Variants in SORCS2 observed in about 807,000 individuals in gnomAD.
SORCS2 encodes the protein VPS10 domain-containing receptor SorCS2.
Under a neutral mutation model 141.6 loss-of-function variants are expected in SORCS2, and 100 were observed. That is an observed-to-expected ratio of 0.71 (90% CI 0.60 to 0.83). The LOEUF (loss-of-function observed/expected upper bound fraction) is 0.83, where lower values mean the gene tolerates loss of function less well. Among genes scored for constraint, SORCS2 ranks in the 40% least tolerant of loss-of-function variants. SORCS2 has a pLI of 0.00. For synonymous variants in SORCS2, 789 were observed against 676.9 expected (o/e 1.17, Z -2.57); for missense variants, 1,646 against 1,560.2 (o/e 1.05, Z -0.93).
At chr4:7,727,046 A>G in intron 21 of SORCS2, 143 bp downstream of exon 21, 1 of 1,121,946 alleles carries the variant, frequency 8.9e-7, no homozygotes, top group South Asian at 1.7e-5. Context: ...CTGGATAAAC[A>G]GAGCCCTGCC....
intron 3 of SORCS2, among the ~76,000 whole-genome samples, chr4:7,617,159 C>T (rs191757982): frequency 6.6e-6 from 1 of 152,194 alleles, no homozygotes; most frequent in Non-Finnish European, 1.5e-5. Context: ...CGCCATCCAC[C>T]ATCCATCTAT....
chr4:7,341,840 T>G (rs114362663), intron 1 of SORCS2, among the ~76,000 whole-genome samples: 248 of 152,296 alleles, frequency 1.6e-3, no homozygotes, highest in African/African-American at 5.7e-3. Flanking sequence ...TCCAGACCCA[T>G]TAGGCACTTC....
At chr4:7,659,431 G>T (rs1276285943) in intron 5 of SORCS2, among the ~76,000 whole-genome samples, 1 of 152,142 alleles carries the variant, frequency 6.6e-6, no homozygotes, top group Non-Finnish European at 1.5e-5. Context: ...CATGTCTTCT[G>T]TCCCGTCTCA....
chr4:7,646,993 C>T (rs1310080308), intron 4 of SORCS2, among the ~76,000 whole-genome samples: 4 of 152,146 alleles, frequency 2.6e-5, no homozygotes, highest in Non-Finnish European at 5.9e-5. Flanking sequence ...GGCAACCACT[C>T]AGGGCCTCGT....
chr4:7,705,337 C>T (rs999165221), intron 14 of SORCS2, among the ~76,000 whole-genome samples: 3 of 152,188 alleles, frequency 2.0e-5, no homozygotes, highest in Non-Finnish European at 4.4e-5. Context: ...GCCTCCAGAG[C>T]GCTGAGAGAG....
At chr4:7,730,867 A>G (rs546333400) in intron 23 of SORCS2, among the ~76,000 whole-genome samples, 1 of 152,376 alleles carries the variant, frequency 6.6e-6, no homozygotes, top group African/African-American at 2.4e-5. Flanking sequence ...ACACTTTAAA[A>G]GAGTAAATGT....
At chr4:7,714,048 A>T (rs1053075239) in intron 15 of SORCS2, among the ~76,000 whole-genome samples, 192 bp from the exon 16 acceptor site, 1 of 152,182 alleles carries the variant, frequency 6.6e-6, no homozygotes, top group Non-Finnish European at 1.5e-5. Context: ...GTGAATGCCC[A>T]TGGGTTGGGA....
chr4:7,553,596 CAG>C (rs1408410221), intron 3 of SORCS2, among the ~76,000 whole-genome samples: 3 of 152,174 alleles, frequency 2.0e-5, no homozygotes, highest in African/African-American at 7.2e-5. Context: ...CTCTTGCCAA[CAG>C]AGAGATGAGT....
chr4:7,410,425 A>G (rs1022860268), intron 2 of SORCS2, among the ~76,000 whole-genome samples: 1 of 152,204 alleles, frequency 6.6e-6, no homozygotes, highest in Non-Finnish European at 1.5e-5. Context: ...CTTCGTTTCA[A>G]TTCTGGCTCC....
At chr4:7,335,250 G>A (rs991360323) in intron 1 of SORCS2, among the ~76,000 whole-genome samples, 1 of 152,354 alleles carries the variant, frequency 6.6e-6, no homozygotes, top group Non-Finnish European at 1.5e-5. Flanking sequence ...CACAGGGCAA[G>A]AGATGTCTTG....
At chr4:7,333,272 C>T (rs887167219) in intron 1 of SORCS2, among the ~76,000 whole-genome samples, 9 of 152,192 alleles carry the variant, frequency 5.9e-5, no homozygotes, top group Non-Finnish European at 8.8e-5. Context: ...CTTCCTCTGC[C>T]CCGGGGCTGG....
At chr4:7,539,333 A>G (rs1560368480) in intron 3 of SORCS2, among the ~76,000 whole-genome samples, 1 of 152,130 alleles carries the variant, frequency 6.6e-6, no homozygotes, top group Non-Finnish European at 1.5e-5. Context: ...TGGTGGTACC[A>G]CCTGCTCTCC....
rs1258954753 is a variant in SORCS2, at chr4:7,648,446, C to T, written c.814-5688C>T. ...GCCTGATGTCACCCCCAGGCAGCAG[C>T]GACCTTGGGACTCAGCCCCCGCCTT... On this transcript the variant is annotated intron_variant, in intron 4 of 26. Transcript: ENST00000507866. The surrounding 1 kb of genome is among the most constrained non-coding windows in gnomAD (Gnocchi z 4.2). Among the ~76,000 whole-genome samples the T allele has an allele frequency of 6.6e-6, 1 of 152,098 alleles. No homozygotes were observed. The highest frequency in any genetic ancestry group is 2.4e-5 in the African/African-American group (1 of 41,404).
chr4:7,606,107 G>A (rs893014177), intron 3 of SORCS2, among the ~76,000 whole-genome samples: 2 of 152,148 alleles, frequency 1.3e-5, no homozygotes. Flanking sequence ...GAACATTTCT[G>A]CTCCCATGAA....
At chr4:7,503,699 T>A (rs2109437349) in intron 2 of SORCS2, among the ~76,000 whole-genome samples, 1 of 152,264 alleles carries the variant, frequency 6.6e-6, no homozygotes, top group African/African-American at 2.4e-5. Flanking sequence ...GACATGCAGA[T>A]GCTGATGCAG....
intron 23 of SORCS2, among the ~76,000 whole-genome samples, chr4:7,731,327 C>A (rs889076384): frequency 6.6e-6 from 1 of 152,146 alleles, no homozygotes; most frequent in African/African-American, 2.4e-5. Context: ...AGACACAAAT[C>A]GACGGAAAGA....
At chr4:7,479,478 CT>C (rs767905372) in intron 2 of SORCS2, among the ~76,000 whole-genome samples, 3 of 152,224 alleles carry the variant, frequency 2.0e-5, no homozygotes, top group Non-Finnish European at 4.4e-5. Context: ...AGGGCCAAAC[CT>C]TTCTTTGCAA....
intron 18 of SORCS2, 100 bp from the exon 19 acceptor site, chr4:7,723,597 C>CAATG (rs1194754841): frequency 5.9e-5 from 79 of 1,329,682 alleles, no homozygotes; most frequent in African/African-American, 8.7e-5. Flanking sequence ...GGGAGGGCGG[C>CAATG]AATGAATGAA....
At chr4:7,600,678 C>T (rs1187380763) in intron 3 of SORCS2, among the ~76,000 whole-genome samples, 1 of 151,826 alleles carries the variant, frequency 6.6e-6, no homozygotes, top group Non-Finnish European at 1.5e-5. Context: ...CACACACACA[C>T]ACACACACAC....
Sources: gnomAD v4.1 joint callset for allele counts (sites outside exome capture counted in the v4.1 genomes callset) on GRCh38, gnomAD v4.1.1 for gene constraint, Gnocchi (gnomAD v3.1) non-coding constraint, MANE v1.5 for transcripts, NCBI Gene and HGNC (gene_info 2026-07-23, HGNC 2026-07-21) for gene names.